The following ZFHX3 variants were observed in gnomAD, a reference collection of about 807,000 sequenced individuals.
The protein encoded by ZFHX3 is zinc finger homeobox 3.
A neutral mutation model predicts 279.1 loss-of-function variants in ZFHX3; 42 were observed. The ratio of observed to expected loss-of-function variants is 0.15; its 90% CI spans 0.12 to 0.19. ZFHX3 has a LOEUF of 0.19. Ranked by LOEUF, ZFHX3 falls within the 10% of genes least tolerant of loss-of-function variation. ZFHX3 has a pLI of 1.00. For missense variants in ZFHX3, 4,981 were observed against 4,754.0 expected, an observed-to-expected ratio of 1.05 and a Z score of -1.40; for synonymous variants, 2,293 against 1,957.8, an observed-to-expected ratio of 1.17 and a Z score of -4.52.
At chr16:73,593,455 T>C (rs1349988741) in intron 2 of ZFHX3, among the ~76,000 whole-genome samples, 1 of 151,878 alleles carries the variant, frequency 6.6e-6, no homozygotes, top group African/African-American at 2.4e-5. Context: ...AAATGAAGAG[T>C]TTATTTATCA....
At chr16:73,023,414 T>A (rs1171286323) in intron 1 of ZFHX3, among the ~76,000 whole-genome samples, 1 of 152,098 alleles carries the variant, frequency 6.6e-6, no homozygotes, top group Non-Finnish European at 1.5e-5. Flanking sequence ...GGAGCAGGCC[T>A]GTGAGGGTAA....
intron 8 of ZFHX3, among the ~76,000 whole-genome samples, chr16:73,090,146 C>G (rs998284137): frequency 6.6e-6 from 1 of 152,252 alleles, no homozygotes; most frequent in Non-Finnish European, 1.5e-5. Flanking sequence ...GTAATCCCAG[C>G]ACTTCGGGAG....
intron 1 of ZFHX3, among the ~76,000 whole-genome samples, chr16:72,969,551 T>C (rs1227314621): frequency 6.6e-6 from 1 of 151,542 alleles, no homozygotes; most frequent in Non-Finnish European, 1.5e-5. Flanking sequence ...AGTGTGAGCA[T>C]TGTTAAATCC....
chr16:73,517,616 A>G (rs1383966377), intron 2 of ZFHX3, among the ~76,000 whole-genome samples: 1 of 152,224 alleles, frequency 6.6e-6, no homozygotes, highest in African/African-American at 2.4e-5. Context: ...TGTAGGAAAA[A>G]TATTAGAAAT....
intron 2 of ZFHX3, chr16:73,487,487 G>A (rs1318223681): frequency 2.3e-6 from 1 of 435,788 alleles, no homozygotes; most frequent in Non-Finnish European, 4.6e-6. Flanking sequence ...TGCAGCCTCA[G>A]TCTCCTGAGC....
At chr16:73,764,649 C>T (rs552764523) in intron 1 of ZFHX3, among the ~76,000 whole-genome samples, 49 of 152,196 alleles carry the variant, frequency 3.2e-4, no homozygotes, top group African/African-American at 1.1e-3. Context: ...CGTAGTCCAG[C>T]CATATAGGAT....
At chr16:73,328,175 C>A (rs1189668767) in intron 3 of ZFHX3, among the ~76,000 whole-genome samples, 2 of 151,882 alleles carry the variant, frequency 1.3e-5, no homozygotes, top group Non-Finnish European at 2.9e-5. Context: ...TTCTTGGATC[C>A]ATCTGTAGTG....
chr16:73,778,815 A>G (rs899754510), intron 1 of ZFHX3, among the ~76,000 whole-genome samples: 1 of 152,234 alleles, frequency 6.6e-6, no homozygotes, highest in Non-Finnish European at 1.5e-5. Context: ...CAATCCAAAA[A>G]CAATGACTAA....
chr16:73,163,955 G>T (rs1289885859), intron 5 of ZFHX3, among the ~76,000 whole-genome samples: 1 of 152,066 alleles, frequency 6.6e-6, no homozygotes, highest in East Asian at 1.9e-4. Context: ...GGTAGGCAGG[G>T]TAGTAAATTA....
At chr16:72,941,400 C>T (rs180832886) in intron 3 of ZFHX3, among the ~76,000 whole-genome samples, 18 of 152,278 alleles carry the variant, frequency 1.2e-4, no homozygotes, top group African/African-American at 3.6e-4. Context: ...GCTCTCTTTA[C>T]ACTTCTATAG....
chr16:73,097,257 C>A (rs1452005951), intron 7 of ZFHX3, among the ~76,000 whole-genome samples: 3 of 119,190 alleles, frequency 2.5e-5, no homozygotes, highest in Non-Finnish European at 4.8e-5. Flanking sequence ...TTTGTAGAGA[C>A]AGGACTTGCT....
intron 8 of ZFHX3, among the ~76,000 whole-genome samples, chr16:73,071,611 C>T (rs1205847417): frequency 6.6e-6 from 1 of 152,174 alleles, no homozygotes; most frequent in Non-Finnish European, 1.5e-5. Flanking sequence ...AGTGGCAGTC[C>T]ATGCAGGTGC....
chr16:73,190,237 TG>T (rs1156383003), intron 5 of ZFHX3, among the ~76,000 whole-genome samples: 5 of 152,246 alleles, frequency 3.3e-5, no homozygotes, highest in Admixed American at 6.5e-5. Context: ...GAATTCATTT[TG>T]GAAGTGGCTG....
intron 1 of ZFHX3, among the ~76,000 whole-genome samples, chr16:73,850,545 G>T (rs1961568387): frequency 6.6e-6 from 1 of 152,172 alleles, no homozygotes; most frequent in Non-Finnish European, 1.5e-5. Flanking sequence ...GCAGGATGGG[G>T]CAGAGAAAGG....
intron 1 of ZFHX3, among the ~76,000 whole-genome samples, chr16:73,866,526 A>G (rs1195857875): frequency 1.3e-5 from 2 of 152,006 alleles, no homozygotes; most frequent in Admixed American, 6.6e-5. Flanking sequence ...AAACTCATGA[A>G]AAGTCCATCA....
chr16:73,886,455 G>C (rs1332951242), intron 1 of ZFHX3, among the ~76,000 whole-genome samples: 3 of 152,166 alleles, frequency 2.0e-5, no homozygotes, highest in Non-Finnish European at 4.4e-5. Context: ...GCCTAAGACA[G>C]ACGGACTTTA....
intron 4 of ZFHX3, among the ~76,000 whole-genome samples, chr16:72,887,065 G>A (rs894454894): frequency 1.3e-5 from 2 of 152,158 alleles, no homozygotes; most frequent in African/African-American, 2.4e-5. Flanking sequence ...ACTGACTGTC[G>A]AAACCTCAAC....
intron 3 of ZFHX3, among the ~76,000 whole-genome samples, chr16:73,377,941 G>C (rs867457870): frequency 1.4e-5 from 2 of 145,436 alleles, no homozygotes; most frequent in Middle Eastern, 7.4e-3. Context: ...GCTGGGGCAG[G>C]AGAATGGCGT....
chr16:73,679,753 A>T (rs142080310), intron 2 of ZFHX3: 43 of 152,344 alleles, frequency 2.8e-4, no homozygotes, highest in African/African-American at 7.2e-4. Context: ...ATGAGCCATC[A>T]TGTGGTACTT....
Sources: gnomAD v4.1 joint callset for allele counts (sites outside exome capture counted in the v4.1 genomes callset) on GRCh38, gnomAD v4.1.1 for gene constraint, MANE v1.5 for transcripts, NCBI Gene and HGNC (gene_info 2026-07-23, HGNC 2026-07-21) for gene names.